KSR2: variants seen among roughly 807,000 people sequenced by gnomAD.
KSR2 encodes kinase suppressor of ras 2.
Under a neutral mutation model 107.8 loss-of-function variants are expected in KSR2, and 25 were observed. The ratio of observed to expected loss-of-function variants is 0.23; its 90% CI spans 0.17 to 0.32. The LOEUF is 0.32. KSR2 is among the 10% of genes least tolerant of loss of function. The pLI, the probability that KSR2 is intolerant of heterozygous loss-of-function variation, is 1.00. For synonymous variants in KSR2, 480 were observed against 507.0 expected (o/e 0.95, Z 0.71); for missense variants, 887 against 1,268.9 (o/e 0.70, Z 4.57).
chr12:117,512,703 A>G (rs1202651549), intron 14 of KSR2, among the ~76,000 whole-genome samples: 3 of 144,254 alleles, frequency 2.1e-5, no homozygotes, highest in East Asian at 2.1e-4. Flanking sequence ...AGATATCTAA[A>G]TGTCTACTTA....
At chr12:117,654,587 G>A (rs1488221761) in intron 5 of KSR2, among the ~76,000 whole-genome samples, 1 of 152,212 alleles carries the variant, frequency 6.6e-6, no homozygotes, top group Admixed American at 6.5e-5. Flanking sequence ...GACTTTGCCT[G>A]GAAGGAGAAA....
At chr12:117,662,622 C>G (rs1415515780) in intron 5 of KSR2, among the ~76,000 whole-genome samples, 1 of 152,196 alleles carries the variant, frequency 6.6e-6, no homozygotes, top group Non-Finnish European at 1.5e-5. Context: ...GGACAATATT[C>G]CATAAGACCC....
intron 1 of KSR2, among the ~76,000 whole-genome samples, chr12:117,861,510 TC>T (rs1482991715): frequency 6.9e-6 from 1 of 145,728 alleles, no homozygotes; most frequent in African/African-American, 2.6e-5. Flanking sequence ...TGCCTCAGCC[TC>T]CCGAGTAGCT....
intron 1 of KSR2, among the ~76,000 whole-genome samples, chr12:117,884,181 C>G (rs1030302621): frequency 6.6e-6 from 1 of 152,144 alleles, no homozygotes; most frequent in Non-Finnish European, 1.5e-5. Context: ...AAACTCTGAA[C>G]TCACCCAGGC....
chr12:117,515,127 CA>C (rs1874285288), intron 14 of KSR2, among the ~76,000 whole-genome samples: 1 of 152,188 alleles, frequency 6.6e-6, no homozygotes, highest in Admixed American at 6.5e-5. Context: ...CCATGACGGG[CA>C]GACATCATGC....
rs1417693005 is a variant in KSR2, at chr12:117,661,371, ACT to A, written c.1171+6101_1171+6102del. On this transcript the variant is annotated intron_variant, in intron 5 of 19. Transcript: ENST00000339824. The stretch of plus-strand genomic sequence containing the variant: ...AATGTCAAGTTTACTGAAATTGGTA[ACT>A]CTACATGGTTATGTAAGAGAGTATG... Among the ~76,000 whole-genome samples the A allele has an allele frequency of 2.6e-5, 4 of 152,298 alleles. No homozygotes were observed. In the East Asian group the frequency reaches 7.7e-4, roughly 29 times the overall value.
At chr12:117,583,578 C>G (rs61938965) in intron 5 of KSR2, among the ~76,000 whole-genome samples, 23,648 of 152,152 alleles carry the variant, frequency 0.16, 2,032 homozygotes, top group Non-Finnish European at 0.18. Context: ...CTGTCCCCAT[C>G]TGGTCTCTTC....
chr12:117,863,912 T>G (rs867702651), intron 1 of KSR2, among the ~76,000 whole-genome samples: 1 of 152,044 alleles, frequency 6.6e-6, no homozygotes, highest in South Asian at 2.1e-4. Flanking sequence ...ACTTCCCTCT[T>G]ATACAGACCC....
chr12:117,824,046 A>G (rs1172914696), intron 3 of KSR2, among the ~76,000 whole-genome samples: 1 of 152,240 alleles, frequency 6.6e-6, no homozygotes, highest in African/African-American at 2.4e-5. Flanking sequence ...TGGTATATAT[A>G]CACAATGGAA....
chr12:117,690,310 T>C (rs772432270), intron 4 of KSR2, among the ~76,000 whole-genome samples: 4 of 152,212 alleles, frequency 2.6e-5, no homozygotes, highest in Non-Finnish European at 4.4e-5. Context: ...ACACCTGTAA[T>C]CTCAGTACTT....
intron 5 of KSR2, among the ~76,000 whole-genome samples, chr12:117,662,736 T>G (rs1884489715): frequency 6.6e-6 from 1 of 152,208 alleles, no homozygotes; most frequent in South Asian, 2.1e-4. Context: ...CTGAAGCTGC[T>G]GCACCTGGTA....
intron 14 of KSR2, among the ~76,000 whole-genome samples, chr12:117,502,510 G>A (rs1379169353): frequency 6.6e-6 from 1 of 152,104 alleles, no homozygotes; most frequent in East Asian, 1.9e-4. Flanking sequence ...GAGGAGGGTA[G>A]TGGGGAATGA....
At chr12:117,789,530 A>G (rs1890187127) in intron 3 of KSR2, among the ~76,000 whole-genome samples, 2 of 152,342 alleles carry the variant, frequency 1.3e-5, no homozygotes, top group South Asian at 4.1e-4. Flanking sequence ...CAGAGAAGCA[A>G]AGGATGTTGG....
intron 5 of KSR2, among the ~76,000 whole-genome samples, chr12:117,595,351 C>CTTT (rs71099060): frequency 0.017 from 1,649 of 94,618 alleles, 42 homozygotes; most frequent in African/African-American, 0.029. Context: ...AGATCAAATT[C>CTTT]TTTTTTTTTT....
intron 1 of KSR2, among the ~76,000 whole-genome samples, chr12:117,956,982 A>G (rs969365872): frequency 6.6e-6 from 1 of 152,086 alleles, no homozygotes; most frequent in Non-Finnish European, 1.5e-5. Context: ...TCAGTCCTCT[A>G]TTTCTCTCAA....
At chr12:117,882,409 G>C (rs981503495) in intron 1 of KSR2, among the ~76,000 whole-genome samples, 2 of 152,128 alleles carry the variant, frequency 1.3e-5, no homozygotes, top group African/African-American at 4.8e-5. Context: ...AGTCACATTT[G>C]GATAGGAATG....
chr12:117,947,789 C>T (rs1308148419), intron 1 of KSR2, among the ~76,000 whole-genome samples: 1 of 151,910 alleles, frequency 6.6e-6, no homozygotes, highest in African/African-American at 2.4e-5. Context: ...CAAAAAATAT[C>T]AAATACTTGA....
At chr12:117,805,096 C>T (rs1232874056) in intron 3 of KSR2, among the ~76,000 whole-genome samples, 1 of 152,216 alleles carries the variant, frequency 6.6e-6, no homozygotes, top group African/African-American at 2.4e-5. Flanking sequence ...CCTGGGTAAA[C>T]TGGGATGAGT....
chr12:117,640,801 TG>T (rs1221754397), intron 5 of KSR2, among the ~76,000 whole-genome samples: 1 of 152,136 alleles, frequency 6.6e-6, no homozygotes, highest in East Asian at 1.9e-4. Flanking sequence ...TTATGGTCAC[TG>T]GGGGGCCATC....
Sources: allele counts gnomAD v4.1 joint callset (sites outside exome capture counted in the v4.1 genomes callset), GRCh38; gene constraint gnomAD v4.1.1; transcripts MANE v1.5; gene names NCBI Gene and HGNC (gene_info 2026-07-23, HGNC 2026-07-21).